Variants in STARD9 observed in about 807,000 individuals in gnomAD.
The protein encoded by STARD9 is StAR related lipid transfer domain containing 9.
In STARD9, 346 loss-of-function variants were observed where a neutral mutation model predicts 399.8. The observed-to-expected ratio is 0.87, with a 90% CI of 0.79 to 0.95. The LOEUF (loss-of-function observed/expected upper bound fraction) is 0.95. Among genes scored for constraint, STARD9 ranks in the 40% least tolerant of loss-of-function variants. The probability of loss-of-function intolerance (pLI) is 0.00; values close to 1 mark genes in which losing one functional copy is unlikely to be tolerated. For synonymous variants in STARD9, 2,203 were observed against 2,143.5 expected, an observed-to-expected ratio of 1.03 and a Z score of -0.77; for missense variants, 5,832 against 5,667.5, an observed-to-expected ratio of 1.03 and a Z score of -0.93.
At chr15:42,625,180 C>T (rs1370959189) in intron 3 of STARD9, among the ~76,000 whole-genome samples, 2 of 151,974 alleles carry the variant, frequency 1.3e-5, no homozygotes, top group African/African-American at 4.8e-5. Context: ...ATGTGTACCA[C>T]CACACCCGGC....
At chr15:42,708,796 G>T (rs1025035387) in intron 26 of STARD9, among the ~76,000 whole-genome samples, 2 of 151,920 alleles carry the variant, frequency 1.3e-5, no homozygotes, top group Non-Finnish European at 2.9e-5. Flanking sequence ...AAAGGATCGT[G>T]TCTGTGGTTT....
In STARD9 at chr15:42,718,889, C is replaced by T; in HGVS notation, c.13980C>T (p.Thr4660=). The change falls in exon 32 of 33, where the codon ACC becomes ACT. Residue 4660 remains threonine, a synonymous_variant. Transcript: ENST00000290607. ...QPITVEGKEV[T]RVIYLAQVEL... is the part of the protein sequence containing the mutation. ...TCACTGTGGAAGGGAAGGAAGTCAC[C>T]AGAGTCATCTACTTGGCCCAGGTGA... The T allele has an allele frequency of 6.5e-7, 1 of 1,537,226 alleles. No individual in the cohort carries two copies. The highest frequency in any genetic ancestry group is 1.2e-5 in the South Asian group (1 of 84,060).
intron 3 of STARD9, among the ~76,000 whole-genome samples, chr15:42,626,390 C>CTCCTCTTCCTCTTCCTCCTCCTCT (rs1293012778): frequency 3.4e-5 from 5 of 147,102 alleles, no homozygotes; most frequent in African/African-American, 1.3e-4. Flanking sequence ...CCTCCTCTTC[C>CTCCTCTTCCTCTTCCTCCTCCTCT]TCTTCCTCCT....
At chr15:42,629,195 A>AT (rs2059282732) in intron 3 of STARD9, among the ~76,000 whole-genome samples, 1 of 151,910 alleles carries the variant, frequency 6.6e-6, no homozygotes, top group African/African-American at 2.4e-5. Flanking sequence ...AATTTTGTTT[A>AT]TTTTTTGTAG....
At chr15:42,623,786 A>G (rs1034292695) in intron 3 of STARD9, among the ~76,000 whole-genome samples, 51 of 152,246 alleles carry the variant, frequency 3.3e-4, no homozygotes, top group African/African-American at 1.2e-3. Flanking sequence ...CATGGGAAAT[A>G]AATCTCTGTA....
rs2059391395 is a variant in STARD9, at chr15:42,634,899, A to G, written c.278A>G (p.Lys93Arg). The G allele has an allele frequency of 6.5e-7, 1 of 1,536,672 alleles. No homozygotes were observed. Among genetic ancestry groups the G allele is most frequent in the South Asian group, 1.2e-5 (1 of 83,988 alleles). ...LGMEVLSGVA[K>R]GYNICLFAYG... is the part of the protein sequence containing the mutation. Reference sequence around the variant, plus strand: ...ATGGAAGTACTGTCTGGAGTTGCCAAAGGCTATAACATATGCCTTTTTGCT... The same window carrying G: ...ATGGAAGTACTGTCTGGAGTTGCCAGAGGCTATAACATATGCCTTTTTGCT... The change falls in exon 4 of 33, where the codon AAA (lysine) becomes AGA (arginine). Residue 93 changes from lysine to arginine, a missense_variant. Physicochemically the swap from Lys to Arg is conservative, Grantham distance 26. Around this residue, in one of 2 missense-constraint regions of STARD9, gnomAD observed 5,828 missense variants for 5,651.1 expected, o/e 1.03. Coordinates refer to ENST00000290607, the MANE Select transcript of STARD9 (RefSeq NM_020759.3).
intron 3 of STARD9, among the ~76,000 whole-genome samples, chr15:42,592,991 A>G (rs1021467083): frequency 3.3e-5 from 5 of 152,190 alleles, no homozygotes; most frequent in Non-Finnish European, 5.9e-5. Context: ...CAGCTCTAAA[A>G]TAGAGATCAT....
Position 42,675,941 on chromosome 15 carries a change from C to T in STARD9, c.1840C>T (p.Arg614Trp), listed in dbSNP as rs576562056. ...TTTGGATGGAGATCTCGCTGCCTCC[C>T]GGCTGGGTCTCTCCCCTTTGCTTTG... Reference protein sequence around the residue: ...LDLDGDLAASRLGLSPLLWKE... With the variant: ...LDLDGDLAASWLGLSPLLWKE... Residue 614 changes from arginine (R) to tryptophan (W), a missense_variant, in exon 20 of 33, where the codon CGG (arginine) becomes TGG (tryptophan). Around this residue, in one of 2 missense-constraint regions of STARD9, gnomAD observed 5,828 missense variants for 5,651.1 expected, o/e 1.03. Coordinates refer to ENST00000290607, the MANE Select transcript of STARD9 (RefSeq NM_020759.3). 5.3e-5 allele frequency: 82 copies of T among 1,535,042 alleles called. No homozygotes were observed. Among genetic ancestry groups the T allele is most frequent in the South Asian group, 1.2e-4 (10 of 83,914 alleles).
rs1236826615 is a variant in STARD9, at chr15:42,692,198, C to T, written c.10620C>T (p.Thr3540=). Residue 3540 remains threonine (T), a synonymous_variant, in exon 23 of 33, where the codon ACC becomes ACT. Transcript: ENST00000290607. ...STYANICDLS[T]THSSTENAQG... Reference sequence around the variant, plus strand: ...ACGCCAATATTTGTGATCTGTCAACCACACACAGCAGCACTGAGAATGCCC... The same window carrying T: ...ACGCCAATATTTGTGATCTGTCAACTACACACAGCAGCACTGAGAATGCCC... 6.5e-7 allele frequency: 1 copy of T among 1,537,098 alleles called. No homozygotes were observed. The highest frequency in any genetic ancestry group is 1.2e-5 in the South Asian group (1 of 84,058).
chr15:42,590,922 C>T (rs968470923), intron 3 of STARD9, among the ~76,000 whole-genome samples: 2 of 152,168 alleles, frequency 1.3e-5, no homozygotes, highest in African/African-American at 4.8e-5. Flanking sequence ...GCCCCAGCTC[C>T]AACATTGGGG....
chr15:42,682,197 C>G lies in STARD9; in HGVS notation c.2159C>G (p.Ser720Cys), dbSNP rs1179318725. ...GTAGCAGAGAAAGAACTTGAGGCAT[C>G]TGTGGCACTTGATGCTTGGCTTCAG... is the stretch of plus-strand genomic sequence containing the variant. Reference protein sequence around the residue: ...DQVAEKELEASVALDAWLQTD... With the variant: ...DQVAEKELEACVALDAWLQTD... The change falls in exon 22 of 33, where the codon TCT (serine) becomes TGT (cysteine). Residue 720 changes from serine to cysteine, a missense_variant. By Grantham distance (112) the Ser-to-Cys change is moderately radical. Coordinates refer to ENST00000290607, the MANE Select transcript of STARD9 (RefSeq NM_020759.3). 1 of 1,537,272 alleles carries G rather than the reference C, an allele frequency of 6.5e-7. No individual in the cohort carries two copies. Among genetic ancestry groups the G allele is most frequent in the East Asian group, 2.4e-5 (1 of 40,922 alleles).
intron 3 of STARD9, among the ~76,000 whole-genome samples, chr15:42,625,226 C>G (rs1190615019): frequency 2.0e-5 from 3 of 151,712 alleles, no homozygotes; most frequent in Non-Finnish European, 4.4e-5. Context: ...GGGGTTTCAC[C>G]ATGTTGGCCA....
chr15:42,691,106 A>G lies in STARD9; in HGVS notation c.9528A>G (p.Gln3176=). The G allele has an allele frequency of 2.0e-6, 3 of 1,537,196 alleles. No individual in the cohort carries two copies. The highest frequency in any genetic ancestry group is 1.7e-4 in the Middle Eastern group (1 of 5,990). Residue 3176 remains glutamine (Q), a synonymous_variant, in exon 23 of 33, where the codon CAA becomes CAG. Transcript: ENST00000290607. ...CTAGATGTTTTTTGGAAAAGCCACA[A>G]TTTTCCACTGAGTTGAGGGATCACA... ...NTTRCFLEKP[Q]FSTELRDHNR... is the part of the protein sequence containing the mutation.
rs2060620945 is a variant in STARD9, at chr15:42,688,771, G to T, written c.7193G>T (p.Gly2398Val). ...RSHSPEGNVR[G>V]RSSEAHTAWC... ...CACAGCCCCGAAGGAAATGTTAGAG[G>T]GCGTTCCTCTGAGGCACACACTGCC... Residue 2398 changes from glycine (G) to valine (V), a missense_variant, in exon 23 of 33, where the codon GGG (glycine) becomes GTG (valine). Transcript: ENST00000290607. 6.5e-7 allele frequency: 1 copy of T among 1,537,496 alleles called. No individual in the cohort carries two copies. The highest frequency in any genetic ancestry group is 1.4e-5 in the African/African-American group (1 of 73,032).
intron 26 of STARD9, among the ~76,000 whole-genome samples, chr15:42,712,113 TATATA>T (rs2061250272): frequency 1.9e-5 from 1 of 51,784 alleles, no homozygotes; most frequent in African/African-American, 1.8e-4. Context: ...TAATATATAA[TATATA>T]ATATATATAT....
Position 42,701,398 on chromosome 15 carries a change from T to A in STARD9, c.13284+5518T>A, listed in dbSNP as rs189480172. 1.2e-3 allele frequency among the ~76,000 whole-genome samples: 178 copies of A among 152,330 alleles called. 1 individual carries two copies. The highest frequency in any genetic ancestry group is 4.1e-3 in the African/African-American group (171 of 41,562). ...CATGGGATATATTTCCACTGATTCATGTCATCTTTAATTTCTTTCATCCGT... is the reference window on the plus strand; with the variant it reads ...CATGGGATATATTTCCACTGATTCAAGTCATCTTTAATTTCTTTCATCCGT... On this transcript the variant is annotated intron_variant, in intron 26 of 32. Transcript: ENST00000290607.
Position 42,695,792 on chromosome 15 carries a change from G to C in STARD9, c.13196G>C (p.Ser4399Thr). 6.5e-7 allele frequency: 1 copy of C among 1,537,286 alleles called. No homozygotes were observed. Among genetic ancestry groups the C allele is most frequent in the South Asian group, 1.2e-5 (1 of 84,062 alleles). ...GCCAATTCCAGCTCCCTGTGCACCA[G>C]CTCTAATGGAAGCCTCTCGTCTGGC... ...TLANSSSLCT[S>T]SNGSLSSGMT... is the part of the protein sequence containing the mutation. The change falls in exon 26 of 33, where the codon AGC becomes ACC. Residue 4399 changes from serine (S) to threonine (T), a missense_variant. Around this residue, in one of 2 missense-constraint regions of STARD9, gnomAD observed 5,828 missense variants for 5,651.1 expected, o/e 1.03. Coordinates refer to ENST00000290607, the MANE Select transcript of STARD9 (RefSeq NM_020759.3).
intron 3 of STARD9, among the ~76,000 whole-genome samples, chr15:42,626,374 C>CTT (rs71108174): frequency 3.0e-4 from 45 of 148,810 alleles, no homozygotes; most frequent in African/African-American, 7.5e-4. Flanking sequence ...TCTTCTTCCT[C>CTT]CTCTTCCTCC....
intron 7 of STARD9, among the ~76,000 whole-genome samples, chr15:42,640,346 CTT>C (rs2059509399): frequency 6.6e-6 from 1 of 152,170 alleles, no homozygotes; most frequent in African/African-American, 2.4e-5. Flanking sequence ...CTACCTATGT[CTT>C]TTCCCAAATG....
Sources: gnomAD v4.1 joint callset for allele counts (sites outside exome capture counted in the v4.1 genomes callset) on GRCh38, gnomAD v4.1.1 for gene constraint, gnomAD v4.1.1 regional missense constraint, MANE v1.5 for transcripts, NCBI Gene and HGNC (gene_info 2026-07-23, HGNC 2026-07-21) for gene names.